KDM4A: variants seen among roughly 807,000 people sequenced by gnomAD.
The protein encoded by KDM4A is lysine-specific demethylase 4A.
KDM4A carries 23 observed loss-of-function variants against 127.1 expected under a neutral mutation model. The ratio of observed to expected loss-of-function variants is 0.18; its 90% CI spans 0.13 to 0.26. The LOEUF is 0.26. Ranked by LOEUF, KDM4A falls within the 10% of genes least tolerant of loss-of-function variation. The pLI, the probability that KDM4A is intolerant of heterozygous loss-of-function variation, is 1.00. For missense variants in KDM4A, 890 were observed against 1,329.1 expected (o/e 0.67, Z 5.14); for synonymous variants, 443 against 466.5 (o/e 0.95, Z 0.65).
chr1:43,698,978 G>A lies in KDM4A; in HGVS notation c.2841+965G>A, dbSNP rs544274379. ...TAATTTTTTAATTTTTTGTAGAGAC[G>A]GGCTTTTGCCATGTTGCCCAGGCTG... On this transcript the variant is annotated intron_variant, in intron 19 of 21. Coordinates refer to ENST00000372396, the MANE Select transcript of KDM4A (RefSeq NM_014663.3). 2.6e-5 allele frequency among the ~76,000 whole-genome samples: 4 copies of A among 151,980 alleles called. No homozygotes were observed. In the East Asian group the frequency reaches 5.8e-4, roughly 22 times the overall value.
intron 10 of KDM4A, among the ~76,000 whole-genome samples, chr1:43,670,347 AATTT>A (rs772315975): frequency 9.2e-5 from 14 of 152,002 alleles, no homozygotes; most frequent in Admixed American, 2.6e-4. Context: ...TTTCTCTTCA[AATTT>A]ATTTATTTAT....
intron 18 of KDM4A, among the ~76,000 whole-genome samples, chr1:43,696,269 TGGA>T (rs1047433739): frequency 1.3e-5 from 2 of 152,060 alleles, no homozygotes; most frequent in Non-Finnish European, 2.9e-5. Context: ...AGTGTCCCTG[TGGA>T]GTAGTCAGGT....
chr1:43,704,214 G>A lies in KDM4A; in HGVS notation c.3055-16G>A. 6.2e-7 allele frequency: 1 copy of A among 1,613,910 alleles called. No homozygotes were observed. The highest frequency in any genetic ancestry group is 8.5e-7 in the Non-Finnish European group (1 of 1,179,912). ...TCCTGGGGTAGCTGACACTTGGCTT[G>A]CTTATTCTTCTATAGTCAGTAGCCT... is the stretch of plus-strand genomic sequence containing the variant. On this transcript the variant is annotated splice_polypyrimidine_tract_variant and intron_variant, in intron 21 of 21. Transcript: ENST00000372396.
At chr1:43,691,078 C>T (rs774757731) in intron 14 of KDM4A, 29 bp downstream of exon 14, 1 of 1,610,288 alleles carries the variant, frequency 6.2e-7, no homozygotes, top group Non-Finnish European at 8.5e-7. Context: ...TCTCTGTGTC[C>T]TGTCCCAGGA....
chr1:43,663,213 C>A, intron 5 of KDM4A, 126 bp downstream of exon 5: 3 of 794,218 alleles, frequency 3.8e-6, no homozygotes, highest in Non-Finnish European at 3.9e-6. Flanking sequence ...GGGTGACATT[C>A]CATGTTTTAA....
At position 43,665,733 on chromosome 1, in the gene KDM4A, C is replaced by T. The variant is rs768354168; in HGVS notation, c.661C>T (p.Arg221Cys). 7 of 1,614,068 alleles carry T rather than the reference C, an allele frequency of 4.3e-6. No individual in the cohort carries two copies. Among genetic ancestry groups the T allele is most frequent in the Middle Eastern group, 1.6e-4 (1 of 6,062 alleles). ...VPPEHGKRLERLAKGFFPGSA... is the reference protein window; with the variant it reads ...VPPEHGKRLECLAKGFFPGSA... The stretch of plus-strand genomic sequence containing the variant: ...ACCTGAGCATGGAAAGCGGTTGGAA[C>T]GCCTCGCCAAAGGTACTGTGTCTCT... The change falls in exon 6 of 22, where the codon CGC (arginine) becomes TGC (cysteine). Residue 221 changes from arginine (R) to cysteine (C), a missense_variant. By Grantham distance (180) the Arg-to-Cys change is radical. Transcript: ENST00000372396.
intron 2 of KDM4A, 108 bp from the exon 3 acceptor site, chr1:43,655,483 T>C: frequency 3.3e-6 from 3 of 921,012 alleles, no homozygotes; most frequent in South Asian, 1.7e-5. Flanking sequence ...TCAAAGTAAC[T>C]GTCTAGTAAA....
chr1:43,654,702 A>AGTGTGTGT (rs58710892), intron 2 of KDM4A, among the ~76,000 whole-genome samples: 4 of 131,874 alleles, frequency 3.0e-5, no homozygotes, highest in Admixed American at 7.7e-5. Context: ...GATGCTTGTG[A>AGTGTGTGT]GTGTGTGTGT....
chr1:43,669,337 CAT>C (rs1483928415), intron 10 of KDM4A, 38 bp downstream of exon 10: 9 of 1,586,078 alleles, frequency 5.7e-6, no homozygotes, highest in Non-Finnish European at 6.9e-6. Flanking sequence ...AACCCTAACT[CAT>C]ATATGTGTCC....
At chr1:43,651,902 G>A (rs893782972) in intron 1 of KDM4A, among the ~76,000 whole-genome samples, 6 of 152,164 alleles carry the variant, frequency 3.9e-5, no homozygotes, top group Non-Finnish European at 7.4e-5. Flanking sequence ...TGAGTTCTGG[G>A]TACAGTGCAA....
At chr1:43,673,697 A>T (rs1660678018) in intron 11 of KDM4A, among the ~76,000 whole-genome samples, 1 of 151,934 alleles carries the variant, frequency 6.6e-6, no homozygotes, top group Non-Finnish European at 1.5e-5. Flanking sequence ...GTGCCTTCTT[A>T]TGGCAGCTTC....
At chr1:43,652,668 T>C (rs1660140907) in intron 1 of KDM4A, among the ~76,000 whole-genome samples, 1 of 142,336 alleles carries the variant, frequency 7.0e-6, no homozygotes, top group Admixed American at 7.0e-5. Flanking sequence ...CTTTTCTTTC[T>C]TTCTTTCTTT....
chr1:43,673,719 G>A (rs1310317664), intron 11 of KDM4A, among the ~76,000 whole-genome samples: 3 of 152,066 alleles, frequency 2.0e-5, no homozygotes, highest in Non-Finnish European at 2.9e-5. Flanking sequence ...ATAAAGGAGG[G>A]CTTTTTCAGC....
chr1:43,682,120 C>T (rs1403894662), intron 11 of KDM4A, among the ~76,000 whole-genome samples: 3 of 152,098 alleles, frequency 2.0e-5, no homozygotes, highest in Non-Finnish European at 4.4e-5. Flanking sequence ...AGGTGCATGC[C>T]ACCACACCTG....
At chr1:43,655,903 T>C (rs1660225785) in intron 3 of KDM4A, 137 bp downstream of exon 3, 2 of 599,556 alleles carry the variant, frequency 3.3e-6, no homozygotes, top group East Asian at 6.4e-5. Flanking sequence ...TCTCCCTTTC[T>C]GCTTTTTTTA....
rs956354365 is a variant in KDM4A, at chr1:43,693,366, C to T, written c.2376-628C>T. Among the ~76,000 whole-genome samples the T allele has an allele frequency of 6.6e-6, 1 of 152,220 alleles. No individual in the cohort carries two copies. Among genetic ancestry groups the T allele is most frequent in the East Asian group, 1.9e-4 (1 of 5,198 alleles). ...CGTAGCATGGTTTTAAGAGTTGTCA[C>T]CATTTTCGTTCTTCTCCTCTTGATG... On this transcript the variant is annotated intron_variant, in intron 16 of 21. Coordinates refer to ENST00000372396, the MANE Select transcript of KDM4A (RefSeq NM_014663.3). The surrounding 1 kb of genome is among the most constrained non-coding windows in gnomAD (Gnocchi z 4.2).
At chr1:43,652,759 G>A (rs1449850747) in intron 1 of KDM4A, among the ~76,000 whole-genome samples, 1 of 145,128 alleles carries the variant, frequency 6.9e-6, no homozygotes, top group Non-Finnish European at 1.5e-5. Flanking sequence ...TTGGCTCACT[G>A]CAACCTTTAG....
At chr1:43,663,365 A>AT (rs147822614) in intron 5 of KDM4A, among the ~76,000 whole-genome samples, 1 of 151,804 alleles carries the variant, frequency 6.6e-6, no homozygotes, top group East Asian at 1.9e-4. Flanking sequence ...CTGCTTTCTA[A>AT]TTTTTTTTCT....
At chr1:43,657,301 C>T (rs1250010234) in intron 3 of KDM4A, among the ~76,000 whole-genome samples, 2 of 152,024 alleles carry the variant, frequency 1.3e-5, no homozygotes, top group Non-Finnish European at 2.9e-5. Context: ...CTCCTGGGTT[C>T]AAGCAATTCT....
Sources: allele counts gnomAD v4.1 joint callset (sites outside exome capture counted in the v4.1 genomes callset), GRCh38; gene constraint gnomAD v4.1.1; non-coding constraint Gnocchi (gnomAD v3.1); transcripts MANE v1.5; gene names NCBI Gene and HGNC (gene_info 2026-07-23, HGNC 2026-07-21).